Variants in MEGF8 observed in about 807,000 individuals in gnomAD.
MEGF8 encodes multiple EGF like domains 8.
A neutral mutation model predicts 302.9 loss-of-function variants in MEGF8; 156 were observed. The observed-to-expected ratio is 0.52, with a 90% CI of 0.45 to 0.59. The LOEUF (loss-of-function observed/expected upper bound fraction) is 0.59, where lower values mean the gene tolerates loss of function less well. MEGF8 is among the 20% of genes least tolerant of loss of function. MEGF8 has a pLI of 0.00. For missense variants in MEGF8, 3,345 were observed against 3,964.5 expected, an observed-to-expected ratio of 0.84 and a Z score of 4.20; for synonymous variants, 1,621 against 1,660.5, an observed-to-expected ratio of 0.98 and a Z score of 0.58.
rs927269746 is a variant in MEGF8, at chr19:42,357,410, C to T, written c.4837C>T (p.Gln1613Ter). The T allele has an allele frequency of 2.5e-6, 4 of 1,612,980 alleles. No individual in the cohort carries two copies. The highest frequency in any genetic ancestry group is 3.4e-6 in the Non-Finnish European group (4 of 1,179,390). ...TLQWRQEKAP[Q>*]TVELPAVAGH... ...TTGCCCCTCCATCCCTCAGGCCCCC[C>T]AGACCGTGGAGCTGCCAGCCGTTGC... Residue 1613 changes from glutamine (Q) to a stop codon, truncating the protein, a stop_gained, in exon 28 of 42, where the codon CAG (glutamine) becomes TAG (stop). Transcript: ENST00000251268. LOFTEE classifies it high-confidence loss of function. This position sits in a 1 kb window ranked among gnomAD's most constrained non-coding sequence, Gnocchi z 5.2.
chr19:42,336,059 G>A lies in MEGF8; in HGVS notation c.957G>A (p.Glu319=). The A allele has an allele frequency of 6.3e-7, 1 of 1,588,146 alleles. No homozygotes were observed. The highest frequency in any genetic ancestry group is 8.5e-7 in the Non-Finnish European group (1 of 1,171,022). Residue 319 remains glutamate (E), a synonymous_variant, in exon 6 of 42, where the codon GAG becomes GAA. Transcript: ENST00000251268. The surrounding 1 kb of genome is among the most constrained non-coding windows in gnomAD (Gnocchi z 4.8). ...GTCCACTGGGCAGGGGCCACTGGGA[G>A]CTCCTGGCACCACCTGCCTCCAGCT... ...AFSPLGRGHW[E]LLAPPASSSS... is the part of the protein sequence containing the mutation.
At position 42,337,082 on chromosome 19, in the gene MEGF8, AG is replaced by A. The variant is rs1433454901; in HGVS notation, c.1394del. The A allele has an allele frequency of 6.2e-7, 1 of 1,613,736 alleles. No homozygotes were observed. Among genetic ancestry groups the A allele is most frequent in the Admixed American group, 1.7e-5 (1 of 59,994 alleles). On this transcript the variant is annotated splice_acceptor_variant, in intron 7 of 41. Coordinates refer to ENST00000251268, the MANE Select transcript of MEGF8 (RefSeq NM_001271938.2). LOFTEE classifies it high-confidence loss of function. Reference sequence around the variant, plus strand: ...AGCTATGCCCCTTTCCTCCATTCCCAGGGGGCAATGTGCACACCCATTACCA... The same window carrying A: ...AGCTATGCCCCTTTCCTCCATTCCCAGGGGCAATGTGCACACCCATTACCA...
At chr19:42,365,411 T>C (rs2039590126) in intron 35 of MEGF8, among the ~76,000 whole-genome samples, 2 of 151,746 alleles carry the variant, frequency 1.3e-5, no homozygotes, top group African/African-American at 4.8e-5. Flanking sequence ...GCATTGTTGA[T>C]GGTGTATGTG....
Position 42,334,021 on chromosome 19 carries a change from C to T in MEGF8, c.366C>T (p.Leu122=), listed in dbSNP as rs749116190. Reference sequence around the variant, plus strand: ...TGTGCCCGCAGATGCTGCTGCACCTCTTCAGTGATGCCAACTACAACCTGC... The same window carrying T: ...TGTGCCCGCAGATGCTGCTGCACCTTTTCAGTGATGCCAACTACAACCTGC... ...EASSGKMLLH[L]FSDANYNLLG... Residue 122 remains leucine (L), a synonymous_variant, in exon 3 of 42, where the codon CTC becomes CTT. Transcript: ENST00000251268. 6.2e-7 allele frequency: 1 copy of T among 1,613,712 alleles called. No individual in the cohort carries two copies. Among genetic ancestry groups the T allele is most frequent in the Non-Finnish European group, 8.5e-7 (1 of 1,179,794 alleles).
chr19:42,350,122 C>T (rs1425551127), intron 14 of MEGF8, 26 bp from the exon 15 acceptor site: 1 of 1,577,222 alleles, frequency 6.3e-7, no homozygotes. Flanking sequence ...ACCTTGACTG[C>T]TGCCTTCCTG....
intron 13 of MEGF8, among the ~76,000 whole-genome samples, chr19:42,349,057 T>C (rs1300083480): frequency 1.3e-5 from 2 of 152,050 alleles, no homozygotes; most frequent in Admixed American, 1.3e-4. Context: ...CCCAGCCCTT[T>C]GGGAGGTAGG....
In MEGF8 at chr19:42,368,436, T is replaced by C. The variant is rs1568575349; in HGVS notation, c.6274-19T>C. On this transcript the variant is annotated intron_variant, in intron 35 of 41. Transcript: ENST00000251268. This position sits in a 1 kb window ranked among gnomAD's most constrained non-coding sequence, Gnocchi z 4.9. ...CATCTCTCTCTTCCCTGCATCCCCA[T>C]CCCCTCCCCCCCATACAGTGTCTGA... 1 of 1,223,000 alleles carries C rather than the reference T, an allele frequency of 8.2e-7. No homozygotes were observed. Among genetic ancestry groups the C allele is most frequent in the South Asian group, 1.3e-5 (1 of 79,110 alleles). 75.8% of individuals were successfully genotyped at this position (1,223,000 alleles called of 1,614,324 possible).
Position 42,362,371 on chromosome 19 carries a change from C to G in MEGF8, c.5845-13C>G, listed in dbSNP as rs1424722367. 1 of 1,613,844 alleles carries G rather than the reference C, an allele frequency of 6.2e-7. No homozygotes were observed. The highest frequency in any genetic ancestry group is 1.1e-5 in the South Asian group (1 of 91,082). On this transcript the variant is annotated splice_polypyrimidine_tract_variant and intron_variant, in intron 33 of 41. Coordinates refer to ENST00000251268, the MANE Select transcript of MEGF8 (RefSeq NM_001271938.2). Reference sequence around the variant, plus strand: ...GTGCTGAGGGTCCCATCTAGCCTGTCTTCCCTCACCAGGCGTCCACCCCCC... The same window carrying G: ...GTGCTGAGGGTCCCATCTAGCCTGTGTTCCCTCACCAGGCGTCCACCCCCC...
rs1180565902 is a variant in MEGF8, at chr19:42,356,799, A to T, written c.4648A>T (p.Thr1550Ser). The T allele has an allele frequency of 6.4e-7, 1 of 1,555,392 alleles. No individual in the cohort carries two copies. Among genetic ancestry groups the T allele is most frequent in the Admixed American group, 1.9e-5 (1 of 51,446 alleles). ...YRYSVSERRW[T>S]QMLAGAEDGG... The stretch of plus-strand genomic sequence containing the variant: ...GTACTCAGTGAGTGAGCGGCGGTGG[A>T]CACAGATGCTGGCGGGAGCCGAGGA... Residue 1550 changes from threonine to serine, a missense_variant, in exon 27 of 42, where the codon ACA becomes TCA. Thr to Ser is a moderately conservative substitution (Grantham distance 58). Coordinates refer to ENST00000251268, the MANE Select transcript of MEGF8 (RefSeq NM_001271938.2). The surrounding 1 kb of genome is among the most constrained non-coding windows in gnomAD (Gnocchi z 5.2).
rs746329584 is a variant in MEGF8, at chr19:42,357,042, G to A, written c.4830+61G>A. ...ACACTGGGCCCTGACAGAGACAGCTGTGGTAGCTCCTGCCAGCTCCATCCC... is the reference window on the plus strand; with the variant it reads ...ACACTGGGCCCTGACAGAGACAGCTATGGTAGCTCCTGCCAGCTCCATCCC... On this transcript the variant is annotated intron_variant, in intron 27 of 41. Transcript: ENST00000251268. This position sits in a 1 kb window ranked among gnomAD's most constrained non-coding sequence, Gnocchi z 5.2. The A allele has an allele frequency of 3.4e-6, 5 of 1,461,938 alleles. No homozygotes were observed. The highest frequency in any genetic ancestry group is 4.3e-5 in the Admixed American group (2 of 46,982). The allele number at this position is 1,461,938 out of a possible 1,614,324, so 90.6% of individuals were successfully genotyped here. A position where few individuals can be genotyped will look rare whatever the true frequency, so the allele number is the denominator to read the frequency against.
Position 42,368,874 on chromosome 19 carries a change from G to A in MEGF8, c.6513G>A (p.Trp2171Ter). 1 of 1,613,814 alleles carries A rather than the reference G, an allele frequency of 6.2e-7. No individual in the cohort carries two copies. The highest frequency in any genetic ancestry group is 8.5e-7 in the Non-Finnish European group (1 of 1,179,858). ...CATGTGGGCGTCCGGGGGCCTCCTG[G>A]GCCTTCCTGTCCTGCCCCCCTGAGG... is the stretch of plus-strand genomic sequence containing the variant. Reference protein sequence around the residue: ...GLTCGRPGASWAFLSCPPEDE... With the variant: ...GLTCGRPGAS The change falls in exon 37 of 42, where the codon TGG (tryptophan) becomes TGA (stop). Residue 2171 changes from tryptophan to a stop codon, truncating the protein, a stop_gained. Transcript: ENST00000251268. LOFTEE classifies it high-confidence loss of function. This position sits in a 1 kb window ranked among gnomAD's most constrained non-coding sequence, Gnocchi z 4.9.
rs2039763207 is a variant in MEGF8 at position 42,375,981 on chromosome 19, G to C, written c.7744G>C (p.Glu2582Gln). 3 of 1,606,834 alleles carry C rather than the reference G, an allele frequency of 1.9e-6. No individual in the cohort carries two copies. In the South Asian group the frequency reaches 3.3e-5, roughly 18 times the overall value. Residue 2582 changes from glutamate to glutamine, a missense_variant, in exon 42 of 42, where the codon GAG becomes CAG. Glu to Gln is a conservative substitution (Grantham distance 29). Coordinates refer to ENST00000251268, the MANE Select transcript of MEGF8 (RefSeq NM_001271938.2). The surrounding 1 kb of genome is among the most constrained non-coding windows in gnomAD (Gnocchi z 7.1). ...RGLITYVTVTEPSAVLVVRGV... is the reference protein window; with the variant it reads ...RGLITYVTVTQPSAVLVVRGV... Reference sequence around the variant, plus strand: ...CCTGATTACCTACGTGACGGTGACGGAGCCGTCGGCAGTGCTGGTGGTCCG... The same window carrying C: ...CCTGATTACCTACGTGACGGTGACGCAGCCGTCGGCAGTGCTGGTGGTCCG...
intron 12 of MEGF8, among the ~76,000 whole-genome samples, chr19:42,346,783 GA>G (rs2039294812): frequency 1.3e-5 from 2 of 152,044 alleles, no homozygotes; most frequent in Admixed American, 1.3e-4. Context: ...AGGAGAGCGA[GA>G]CCGTCCTGGC....
intron 35 of MEGF8, among the ~76,000 whole-genome samples, chr19:42,363,510 T>A (rs575746812): frequency 2.0e-5 from 3 of 152,192 alleles, no homozygotes; most frequent in Admixed American, 6.5e-5. Flanking sequence ...GGCCTCTGCC[T>A]CTCCAACTCT....
rs546120448 is a variant in MEGF8, at chr19:42,353,899, G to T, written c.3886G>T (p.Gly1296Trp). The change falls in exon 22 of 42, where the codon GGG becomes TGG. Residue 1296 changes from glycine to tryptophan, a missense_variant. Physicochemically the swap from Gly to Trp is radical, Grantham distance 184. Transcript: ENST00000251268. The surrounding 1 kb of genome is among the most constrained non-coding windows in gnomAD (Gnocchi z 6.1). ...LPPGGGAARA[G>W]PGLSYCVWVV... ...TCCAGGTGGCGGGGCTGCAAGAGCC[G>T]GGCCTGGCCTGTCCTACTGTGTGTG... 1.3e-6 allele frequency: 2 copies of T among 1,593,644 alleles called. No individual in the cohort carries two copies. Among genetic ancestry groups the T allele is most frequent in the East Asian group, 2.3e-5 (1 of 43,774 alleles).
intron 31 of MEGF8, 104 bp downstream of exon 31, chr19:42,359,346 C>T (rs1326366141): frequency 2.7e-6 from 3 of 1,102,048 alleles, no homozygotes; most frequent in Non-Finnish European, 3.6e-6. Flanking sequence ...CCCCTGCAGA[C>T]CCACTGGCAG....
In MEGF8 at chr19:42,355,746, C is replaced by G. The variant is rs750572016; in HGVS notation, c.4145-12C>G. On this transcript the variant is annotated splice_polypyrimidine_tract_variant and intron_variant, in intron 23 of 41. Transcript: ENST00000251268. ...TGACTTTGCTACCAGCCTCTGGCCT[C>G]TCTCTTCACAGGGCTGCTCGTGCTG... 4 of 1,559,798 alleles carry G rather than the reference C, an allele frequency of 2.6e-6. No homozygotes were observed. The East Asian group carries it at 9.3e-5, about 36-fold the overall frequency.
At chr19:42,331,132 G>A (rs1163125504) in intron 1 of MEGF8, among the ~76,000 whole-genome samples, 1 of 152,180 alleles carries the variant, frequency 6.6e-6, no homozygotes, top group African/African-American at 2.4e-5. Context: ...GGCACACTCT[G>A]GCTCTAAGCT....
Position 42,351,570 on chromosome 19 carries a change from C to T in MEGF8, c.2987+10C>T. 1 of 1,607,526 alleles carries T rather than the reference C, an allele frequency of 6.2e-7. No homozygotes were observed. ...GAGGCTGGGACGACAGGTATGGTCCCTGGGGCAGGGCTAACAGAGGAAGAT... is the reference window on the plus strand; with the variant it reads ...GAGGCTGGGACGACAGGTATGGTCCTTGGGGCAGGGCTAACAGAGGAAGAT... On this transcript the variant is annotated intron_variant, in intron 17 of 41. Transcript: ENST00000251268. This position sits in a 1 kb window ranked among gnomAD's most constrained non-coding sequence, Gnocchi z 5.6.
Sources: gnomAD v4.1 joint callset for allele counts (sites outside exome capture counted in the v4.1 genomes callset) on GRCh38, gnomAD v4.1.1 for gene constraint, Gnocchi (gnomAD v3.1) non-coding constraint, MANE v1.5 for transcripts, NCBI Gene and HGNC (gene_info 2026-07-23, HGNC 2026-07-21) for gene names.